CYP27A1: variants seen among roughly 807,000 people sequenced by gnomAD.
The protein encoded by CYP27A1 is sterol 26-hydroxylase, mitochondrial.
A neutral mutation model predicts 58.2 loss-of-function variants in CYP27A1; 46 were observed. The observed-to-expected ratio is 0.79, with a 90% confidence interval of 0.62 to 1.01. The LOEUF (loss-of-function observed/expected upper bound fraction) is 1.01, where lower values mean the gene tolerates loss of function less well. Ranked by LOEUF, CYP27A1 falls within the 50% of genes least tolerant of loss-of-function variation. The pLI, the probability that CYP27A1 is intolerant of heterozygous loss-of-function variation, is 0.00. For missense variants in CYP27A1, 704 were observed against 687.0 expected (o/e 1.02, Z -0.28); for synonymous variants, 274 against 285.1 (o/e 0.96, Z 0.39).
intron 2 of CYP27A1, among the ~76,000 whole-genome samples, chr2:218,810,956 G>C (rs1305590383): frequency 2.6e-5 from 4 of 152,052 alleles, no homozygotes; most frequent in East Asian, 3.9e-4. Flanking sequence ...GACCATCCTG[G>C]CTAACACGGT....
intron 2 of CYP27A1, 30 bp from the exon 3 acceptor site, chr2:218,812,192 T>C (rs1332161556): frequency 6.3e-7 from 1 of 1,589,326 alleles, no homozygotes; most frequent in African/African-American, 1.3e-5. Flanking sequence ...TAGAGGCTTA[T>C]CTTTGTGCTG....
chr2:218,803,722 CTTTTTTTT>C (rs71040407), intron 1 of CYP27A1, among the ~76,000 whole-genome samples: 2 of 57,750 alleles, frequency 3.5e-5, no homozygotes, highest in African/African-American at 8.4e-5. Flanking sequence ...GTGCCCCCGT[CTTTTTTTT>C]TTTTTTTTTT....
chr2:218,806,351 GT>G (rs1362916528), intron 1 of CYP27A1, among the ~76,000 whole-genome samples: 1 of 152,186 alleles, frequency 6.6e-6, no homozygotes, highest in East Asian at 1.9e-4. Flanking sequence ...TCAATCTATG[GT>G]GATTTCATCC....
At chr2:218,810,821 G>A (rs1943705881) in intron 2 of CYP27A1, among the ~76,000 whole-genome samples, 1 of 151,926 alleles carries the variant, frequency 6.6e-6, no homozygotes, top group African/African-American at 2.4e-5. Flanking sequence ...CCTGGGGTGG[G>A]GTGTTGAAGG....
At chr2:218,807,775 A>C (rs1241197931) in intron 1 of CYP27A1, among the ~76,000 whole-genome samples, 1 of 143,050 alleles carries the variant, frequency 7.0e-6, no homozygotes, top group African/African-American at 2.6e-5. Context: ...TGCCCAGCGA[A>C]TTTTTTTTTT....
intron 4 of CYP27A1, 60 bp from the exon 5 acceptor site, chr2:218,812,864 T>C (rs574344727): frequency 6.2e-7 from 1 of 1,612,176 alleles, no homozygotes; most frequent in Non-Finnish European, 8.5e-7. Flanking sequence ...GAGTGGCTCT[T>C]GGTCCTTGGA....
intron 1 of CYP27A1, among the ~76,000 whole-genome samples, chr2:218,804,022 C>G (rs1943627012): frequency 6.6e-6 from 1 of 151,876 alleles, no homozygotes; most frequent in Non-Finnish European, 1.5e-5. Flanking sequence ...TGTGAGCCAC[C>G]ATGCCTGGCC....
Position 218,809,684 on chromosome 2 carries a change from G to A in CYP27A1, c.363G>A (p.Glu121=). The change falls in exon 2 of 9, where the codon GAG becomes GAA. Residue 121 remains glutamate (E), a synonymous_variant. Transcript: ENST00000258415. ...TCTTGGAGCAAGTGATGCGGCAAGA[G>A]GGCAAGTACCCAGTACGGAACGACA... ...APLLEQVMRQ[E]GKYPVRNDME... 1 of 1,614,158 alleles carries A rather than the reference G, an allele frequency of 6.2e-7. No homozygotes were observed. Among genetic ancestry groups the A allele is most frequent in the Non-Finnish European group, 8.5e-7 (1 of 1,180,014 alleles).
Position 218,812,814 on chromosome 2 carries a change from G to A in CYP27A1, c.844+65G>A, listed in dbSNP as rs746560672. On this transcript the variant is annotated intron_variant, in intron 4 of 8. Coordinates refer to ENST00000258415, the MANE Select transcript of CYP27A1 (RefSeq NM_000784.4). ...GGTGACTCCAGGTCTGTGCATCAGC[G>A]GTCTCTCCCAGGCCTTTTCCCTCAT... 47 of 1,605,798 alleles carry A rather than the reference G, an allele frequency of 2.9e-5. 1 individual carries two copies. Among genetic ancestry groups the A allele is most frequent in the Middle Eastern group, 1.6e-4 (1 of 6,070 alleles).
At chr2:218,789,389 C>T (rs532205870) in intron 1 of CYP27A1, among the ~76,000 whole-genome samples, 48 of 152,178 alleles carry the variant, frequency 3.2e-4, no homozygotes, top group Non-Finnish European at 6.0e-4. Context: ...GACAGCGTCC[C>T]GAGCCAGAGT....
At chr2:218,796,550 C>T (rs1173784272) in intron 1 of CYP27A1, among the ~76,000 whole-genome samples, 2 of 152,122 alleles carry the variant, frequency 1.3e-5, no homozygotes, top group Non-Finnish European at 2.9e-5. Context: ...GCCGAGATCA[C>T]ACCACTGCAC....
chr2:218,808,020 T>C (rs749315130), intron 1 of CYP27A1, among the ~76,000 whole-genome samples: 7 of 152,238 alleles, frequency 4.6e-5, no homozygotes, highest in Non-Finnish European at 7.3e-5. Flanking sequence ...GCAAAAGATA[T>C]ACTTTTTCAC....
intron 1 of CYP27A1, among the ~76,000 whole-genome samples, chr2:218,801,868 G>A (rs1575202332): frequency 6.6e-6 from 1 of 151,978 alleles, no homozygotes; most frequent in African/African-American, 2.4e-5. Flanking sequence ...TGTATGGTGT[G>A]AGGTGCACAA....
In CYP27A1 at chr2:218,782,158, A is replaced by G; in HGVS notation, c.-25A>G. On this transcript the variant is annotated 5_prime_UTR_variant, in exon 1 of 9. Transcript: ENST00000258415. This position sits in a 1 kb window ranked among gnomAD's most constrained non-coding sequence, Gnocchi z 4.1. ...TCCGGGGACTCAGCACTCGACCCAA[A>G]GGTGCAGGCGCGCGAGCACAACCCA... 6.5e-7 allele frequency: 1 copy of G among 1,533,518 alleles called. No individual in the cohort carries two copies. Among genetic ancestry groups the G allele is most frequent in the Non-Finnish European group, 8.7e-7 (1 of 1,145,882 alleles). 95.0% of individuals were successfully genotyped at this position (1,533,518 alleles called of 1,614,324 possible).
At chr2:218,798,077 A>G (rs528635858) in intron 1 of CYP27A1, among the ~76,000 whole-genome samples, 11 of 151,366 alleles carry the variant, frequency 7.3e-5, no homozygotes, top group African/African-American at 2.7e-4. Flanking sequence ...ATCTCGGCTC[A>G]CTGTAACCTC....
At chr2:218,806,075 G>A (rs1352628537) in intron 1 of CYP27A1, 1 of 152,066 alleles carries the variant, frequency 6.6e-6, no homozygotes, top group South Asian at 2.1e-4. Context: ...TTCCAAGAAC[G>A]TGGCAAAAAA....
At chr2:218,784,376 T>C (rs1943423494) in intron 1 of CYP27A1, among the ~76,000 whole-genome samples, 1 of 152,262 alleles carries the variant, frequency 6.6e-6, no homozygotes, top group African/African-American at 2.4e-5. Context: ...TCTCTGATTT[T>C]AGATTAACTT....
chr2:218,782,287 C>A lies in CYP27A1; in HGVS notation c.105C>A (p.Leu35=), dbSNP rs1354685155. The A allele has an allele frequency of 6.3e-7, 1 of 1,594,646 alleles. No individual in the cohort carries two copies. The highest frequency in any genetic ancestry group is 8.5e-7 in the Non-Finnish European group (1 of 1,170,516). The change falls in exon 1 of 9, where the codon CTC becomes CTA. Residue 35 remains leucine (L), a synonymous_variant. Transcript: ENST00000258415. This position sits in a 1 kb window ranked among gnomAD's most constrained non-coding sequence, Gnocchi z 4.1. ...CCAAGGCCGCGATCCCTGCCGCCCTCCCCTCGGACAAGGCCACCGGAGCTC... is the reference window on the plus strand; with the variant it reads ...CCAAGGCCGCGATCCCTGCCGCCCTACCCTCGGACAAGGCCACCGGAGCTC... ...ARAKAAIPAA[L]PSDKATGAPG... is the part of the protein sequence containing the mutation.
chr2:218,795,282 C>A (rs1439286243), intron 1 of CYP27A1, among the ~76,000 whole-genome samples: 1 of 152,132 alleles, frequency 6.6e-6, no homozygotes, highest in African/African-American at 2.4e-5. Flanking sequence ...AGGGCTTTGA[C>A]CCGAAGCTTG....
Sources: gnomAD v4.1 joint callset for allele counts (sites outside exome capture counted in the v4.1 genomes callset) on GRCh38, gnomAD v4.1.1 for gene constraint, Gnocchi (gnomAD v3.1) non-coding constraint, MANE v1.5 for transcripts, NCBI Gene and HGNC (gene_info 2026-07-23, HGNC 2026-07-21) for gene names.